Variants in ETS1 observed in about 807,000 individuals in gnomAD.
ETS1 encodes protein C-ets-1.
Under a neutral mutation model 58.6 loss-of-function variants are expected in ETS1, and 15 were observed. That is an observed-to-expected ratio of 0.26 (90% CI 0.17 to 0.39). ETS1 has a LOEUF of 0.39. Among genes scored for constraint, ETS1 ranks in the 10% least tolerant of loss-of-function variants. The pLI is 1.00. For synonymous variants in ETS1, 214 were observed against 218.2 expected, an observed-to-expected ratio of 0.98 and a Z score of 0.17; for missense variants, 417 against 610.5, an observed-to-expected ratio of 0.68 and a Z score of 3.34.
intron 3 of ETS1, among the ~76,000 whole-genome samples, chr11:128,551,220 C>A (rs1369314942): frequency 2.0e-5 from 3 of 152,206 alleles, no homozygotes; most frequent in Admixed American, 6.5e-5. Context: ...CAAGGTGAGT[C>A]TCCATTTAAC....
chr11:128,534,402 A>G (rs2135535047), intron 3 of ETS1, among the ~76,000 whole-genome samples: 1 of 152,336 alleles, frequency 6.6e-6, no homozygotes, highest in Middle Eastern at 3.4e-3. Flanking sequence ...AATGAAAACA[A>G]GAAAATTTTT....
chr11:128,504,015 A>G (rs948216467), intron 3 of ETS1, among the ~76,000 whole-genome samples: 3 of 152,176 alleles, frequency 2.0e-5, no homozygotes, highest in Non-Finnish European at 4.4e-5. Context: ...AAATCTAAAT[A>G]TATGTCCCTA....
chr11:128,538,755 T>TACACACAC lies in ETS1; in HGVS notation c.214+17528_214+17535dup, dbSNP rs141065992. The stretch of plus-strand genomic sequence containing the variant: ...ACACACACACACACACATACACACA[T>TACACACAC]ACACACACACACACACACACACACA... On this transcript the variant is annotated intron_variant, in intron 3 of 9. Coordinates refer to ENST00000392668, the MANE Select transcript of ETS1 (RefSeq NM_001143820.2). Among the ~76,000 whole-genome samples the TACACACAC allele has an allele frequency of 3.8e-4, 55 of 144,966 alleles. 1 individual carries two copies. Among genetic ancestry groups the TACACACAC allele is most frequent in the African/African-American group, 1.0e-3 (42 of 40,036 alleles).
chr11:128,574,204 C>A (rs1342070076), intron 1 of ETS1, among the ~76,000 whole-genome samples: 2 of 152,160 alleles, frequency 1.3e-5, no homozygotes, highest in Non-Finnish European at 2.9e-5. Context: ...AGGGCTACAA[C>A]AACAAAGCTA....
At chr11:128,575,802 T>C (rs1204079204) in intron 1 of ETS1, among the ~76,000 whole-genome samples, 1 of 152,236 alleles carries the variant, frequency 6.6e-6, no homozygotes, top group Non-Finnish European at 1.5e-5. Context: ...AAATCATCCC[T>C]AGAGTCCCAC....
At chr11:128,577,105 G>A (rs1281252441) in intron 1 of ETS1, among the ~76,000 whole-genome samples, 2 of 152,126 alleles carry the variant, frequency 1.3e-5, no homozygotes, top group African/African-American at 2.4e-5. Context: ...GACAGACCAT[G>A]GGGCATAATG....
intron 1 of ETS1, among the ~76,000 whole-genome samples, chr11:128,576,940 T>TA (rs1250273348): frequency 5.9e-5 from 9 of 152,322 alleles, no homozygotes; most frequent in African/African-American, 2.2e-4. Context: ...CAGCCAGGGT[T>TA]AGCGGCTCCT....
chr11:128,509,667 G>A (rs544028737), intron 3 of ETS1, among the ~76,000 whole-genome samples: 1 of 148,784 alleles, frequency 6.7e-6, no homozygotes, highest in Non-Finnish European at 1.5e-5. Flanking sequence ...GCCTGACAGA[G>A]AACACATCAC....
chr11:128,539,256 A>G (rs1306565444), intron 3 of ETS1, among the ~76,000 whole-genome samples: 1 of 152,218 alleles, frequency 6.6e-6, no homozygotes, highest in Non-Finnish European at 1.5e-5. Flanking sequence ...TCCAGAAAGT[A>G]AAAAGACAAC....
Position 128,463,617 on chromosome 11 carries a change from T to G in ETS1, c.1134A>C (p.Pro378=), listed in dbSNP as rs1861958636. The G allele has an allele frequency of 6.3e-7, 1 of 1,582,978 alleles. No homozygotes were observed. Among genetic ancestry groups the G allele is most frequent in the Non-Finnish European group, 8.7e-7 (1 of 1,151,628 alleles). ...AALAGYTGSG[P]IQLWQFLLEL... ...CCAGAAGAAACTGCCATAGCTGGAT[T>G]GGTCCACTGCCTAGAAACACAAGCC... The change falls in exon 9 of 10, where the codon CCA becomes CCC. Residue 378 remains proline (P), a synonymous_variant. Coordinates refer to ENST00000392668, the MANE Select transcript of ETS1 (RefSeq NM_001143820.2). This position sits in a 1 kb window ranked among gnomAD's most constrained non-coding sequence, Gnocchi z 4.1.
At position 128,526,639 on chromosome 11, in the gene ETS1, T is replaced by C. The variant is rs1863807010; in HGVS notation, c.214+29652A>G. On this transcript the variant is annotated intron_variant, in intron 3 of 9. Transcript: ENST00000392668. ...CATTTAAAAATCTCTTCAAGACCCTTCCTCAGTTCTTAAACTGGCAACCTG... is the reference window on the plus strand; with the variant it reads ...CATTTAAAAATCTCTTCAAGACCCTCCCTCAGTTCTTAAACTGGCAACCTG... The C allele has an allele frequency of 2.7e-5, 8 of 299,028 alleles. No homozygotes were observed. In the Admixed American group the frequency reaches 3.4e-4, roughly 13 times the overall value. The allele number at this position is 299,028 out of a possible 1,614,324, so 18.5% of individuals were successfully genotyped here.
chr11:128,569,321 T>C (rs868725741), intron 2 of ETS1, among the ~76,000 whole-genome samples: 11 of 96,828 alleles, frequency 1.1e-4, no homozygotes, highest in Non-Finnish European at 1.9e-4. Flanking sequence ...GTTTCTTCTT[T>C]TTTTTTTTTT....
At chr11:128,584,414 A>C (rs535219963) in intron 1 of ETS1, among the ~76,000 whole-genome samples, 10 of 152,322 alleles carry the variant, frequency 6.6e-5, no homozygotes, top group African/African-American at 2.4e-4. Flanking sequence ...ACCATGAGTT[A>C]ACACGGTCAT....
intron 3 of ETS1, among the ~76,000 whole-genome samples, chr11:128,555,856 G>A (rs1864303533): frequency 6.6e-6 from 1 of 152,150 alleles, no homozygotes; most frequent in Non-Finnish European, 1.5e-5. Context: ...AAAAAGAATT[G>A]GGATCCAGGT....
intron 8 of ETS1, among the ~76,000 whole-genome samples, chr11:128,477,602 T>A (rs1862357635): frequency 6.6e-6 from 1 of 152,106 alleles, no homozygotes; most frequent in Non-Finnish European, 1.5e-5. Context: ...CAGGAGGTGT[T>A]CACCAGGTAT....
At chr11:128,507,201 C>T (rs1314801556) in intron 3 of ETS1, among the ~76,000 whole-genome samples, 4 of 152,142 alleles carry the variant, frequency 2.6e-5, no homozygotes, top group Admixed American at 6.5e-5. Context: ...GATTGGTTCC[C>T]TGGCCCTGAC....
intron 3 of ETS1, among the ~76,000 whole-genome samples, chr11:128,544,297 G>T (rs1864097828): frequency 1.4e-5 from 2 of 143,860 alleles, no homozygotes; most frequent in African/African-American, 5.1e-5. Context: ...AGATCAGAAA[G>T]GAATTTTGAA....
At chr11:128,566,817 C>T (rs575390776) in intron 2 of ETS1, among the ~76,000 whole-genome samples, 14 of 151,644 alleles carry the variant, frequency 9.2e-5, no homozygotes, top group Non-Finnish European at 1.5e-4. Context: ...GAGTACCAGA[C>T]AGAATTTACT....
chr11:128,468,133 C>T (rs889845086), intron 8 of ETS1, among the ~76,000 whole-genome samples: 1 of 152,202 alleles, frequency 6.6e-6, no homozygotes, highest in Non-Finnish European at 1.5e-5. Flanking sequence ...GCCTACAAAG[C>T]AAATCACACC....
Sources: allele counts gnomAD v4.1 joint callset (sites outside exome capture counted in the v4.1 genomes callset), GRCh38; gene constraint gnomAD v4.1.1; non-coding constraint Gnocchi (gnomAD v3.1); transcripts MANE v1.5; gene names NCBI Gene and HGNC (gene_info 2026-07-23, HGNC 2026-07-21).